Variants in PHKA2 observed in about 807,000 individuals in gnomAD.
PHKA2 encodes phosphorylase b kinase regulatory subunit alpha, liver isoform.
Under a neutral mutation model 102.0 loss-of-function variants are expected in PHKA2, and 31 were observed. The observed-to-expected ratio is 0.30, with a 90% CI of 0.23 to 0.41. The LOEUF (loss-of-function observed/expected upper bound fraction) is 0.41, where lower values mean the gene tolerates loss of function less well. PHKA2 is among the 10% of genes least tolerant of loss of function. PHKA2 has a pLI of 1.00. For missense variants in PHKA2, 858 were observed against 1,023.1 expected (o/e 0.84, Z 2.20); for synonymous variants, 455 against 416.2 (o/e 1.09, Z -1.13).
At chrX:18,943,931 A>T (rs1384609887) in intron 6 of PHKA2, 123 bp from the exon 7 acceptor site, 1 of 549,580 alleles carries the variant, frequency 1.8e-6, no homozygotes, top group Non-Finnish European at 3.3e-6. Context: ...ACACATTTTA[A>T]AAATCCAGCT....
chrX:18,941,077 A>G (rs2048482052), intron 8 of PHKA2, among the ~76,000 whole-genome samples: 1 of 112,296 alleles, frequency 8.9e-6, no homozygotes, highest in African/African-American at 3.2e-5. Flanking sequence ...TGGAGTATTT[A>G]ATATTCTCAG....
chrX:18,975,251 G>A (rs1433558922), intron 1 of PHKA2, among the ~76,000 whole-genome samples: 1 of 111,697 alleles, frequency 9.0e-6, no homozygotes, highest in Admixed American at 9.5e-5. Context: ...AATCATGGGG[G>A]CAGGTCTTTC....
In PHKA2 at chrX:18,954,289, C is replaced by T. The variant is rs866514095; in HGVS notation, c.202G>A (p.Asp68Asn). Residue 68 changes from aspartate to asparagine, a missense_variant, in exon 2 of 33, where the codon GAT (aspartate) becomes AAT (asparagine). By Grantham distance (23) the Asp-to-Asn change is conservative. Coordinates refer to ENST00000379942, the MANE Select transcript of PHKA2 (RefSeq NM_000292.3). ...TCGTAGGCCTTGGCCTTGTCCTCAT[C>T]GCGGTCTGCATTCTTACGGTAGGCC... ...GMAYRKNADR[D>N]EDKAKAYELE... 9.0e-5 allele frequency: 109 copies of T among 1,210,499 alleles called. 2 individuals are homozygous for T. The highest frequency in any genetic ancestry group is 1.2e-4 in the Non-Finnish European group (103 of 895,233).
intron 12 of PHKA2, among the ~76,000 whole-genome samples, chrX:18,931,097 A>G (rs1275713770): frequency 8.9e-6 from 1 of 112,280 alleles, no homozygotes; most frequent in African/African-American, 3.2e-5. Context: ...GGACAAGTCA[A>G]TGGTGAACAA....
chrX:18,900,373 G>C, intron 28 of PHKA2, among the ~76,000 whole-genome samples: 1 of 111,452 alleles, frequency 9.0e-6, no homozygotes, highest in Non-Finnish European at 1.9e-5. Flanking sequence ...CCCCCATTTA[G>C]TTTTCTATTT....
chrX:18,965,943 TG>T (rs2148019188), intron 1 of PHKA2, among the ~76,000 whole-genome samples: 1 of 110,775 alleles, frequency 9.0e-6, no homozygotes, highest in African/African-American at 3.3e-5. Flanking sequence ...AATGCAACTT[TG>T]TTTCATATTC....
rs1184140638 is a variant in PHKA2 at position 18,951,041 on chromosome X, T to G, written c.454+63A>C. The G allele has an allele frequency of 9.0e-6, 10 of 1,114,123 alleles. No individual in the cohort carries two copies. The African/African-American group carries it at 1.8e-4, about 20-fold the overall frequency. 91.8% of individuals were successfully genotyped at this position (1,114,123 alleles called of 1,213,427 possible). ...CTGACACACTGGCCGCTACCTGTCC[T>G]CCTCCCACCCCTTTTCCGGATTGTC... On this transcript the variant is annotated intron_variant, in intron 4 of 32. Transcript: ENST00000379942.
chrX:18,903,109 C>T (rs928000663), intron 26 of PHKA2, among the ~76,000 whole-genome samples: 2 of 111,489 alleles, frequency 1.8e-5, no homozygotes, highest in African/African-American at 3.3e-5. Context: ...CACATACATA[C>T]GTATAGATAC....
At position 18,897,217 on chromosome X, in the gene PHKA2, G is replaced by A. The variant is rs1433414757; in HGVS notation, c.3228C>T (p.Ala1076=). The A allele has an allele frequency of 2.5e-6, 3 of 1,209,495 alleles. No homozygotes were observed. In the Admixed American group the frequency reaches 6.5e-5, roughly 26 times the overall value. The part of the protein sequence containing the change: ...QWLRRRRLDG[A]INRVPVGFYQ... ...AGAATCCCACGGGGACCCTGTTGAT[G>A]GCCCCATCCAGCCTTCTCCTGCGCA... Residue 1076 remains alanine, a synonymous_variant, in exon 30 of 33, where the codon GCC becomes GCT. Coordinates refer to ENST00000379942, the MANE Select transcript of PHKA2 (RefSeq NM_000292.3).
At chrX:18,926,163 G>C (rs1272927205) in intron 14 of PHKA2, among the ~76,000 whole-genome samples, 1 of 112,459 alleles carries the variant, frequency 8.9e-6, no homozygotes, top group African/African-American at 3.2e-5. Context: ...GTAAACATGA[G>C]AAGCATTATC....
intron 30 of PHKA2, 96 bp from the exon 31 acceptor site, chrX:18,895,287 C>T: frequency 2.5e-6 from 2 of 786,873 alleles, no homozygotes; most frequent in Non-Finnish European, 2.0e-6. Flanking sequence ...GCACCCTCTG[C>T]CCTGGAAACC....
At chrX:18,931,840 T>C (rs2048321295) in intron 11 of PHKA2, 92 bp from the exon 12 acceptor site, 6 of 654,557 alleles carry the variant, frequency 9.2e-6, no homozygotes, top group Non-Finnish European at 1.5e-5. Flanking sequence ...ATTTATGAAA[T>C]GGTACTCATC....
chrX:18,939,740 A>G (rs1414548103), intron 9 of PHKA2, among the ~76,000 whole-genome samples: 1 of 111,367 alleles, frequency 9.0e-6, no homozygotes, highest in Non-Finnish European at 1.9e-5. Flanking sequence ...TGATCCGCCC[A>G]CCTTGGCCTC....
chrX:18,970,440 A>G (rs1209921356), intron 1 of PHKA2, among the ~76,000 whole-genome samples: 1 of 112,127 alleles, frequency 8.9e-6, no homozygotes, highest in Non-Finnish European at 1.9e-5. Flanking sequence ...ATTCAACTTT[A>G]AATGTTTGAG....
At chrX:18,950,475 C>G (rs1296721746) in intron 4 of PHKA2, among the ~76,000 whole-genome samples, 1 of 111,961 alleles carries the variant, frequency 8.9e-6, no homozygotes, top group East Asian at 2.8e-4. Flanking sequence ...CAGAGGGAAG[C>G]TAAGAGAGCC....
chrX:18,936,073 G>A lies in PHKA2; in HGVS notation c.1119C>T (p.Tyr373=), dbSNP rs754223529. 7.5e-6 allele frequency: 9 copies of A among 1,201,710 alleles called. No individual in the cohort carries two copies. Among genetic ancestry groups the A allele is most frequent in the Non-Finnish European group, 7.9e-6 (7 of 888,008 alleles). ...KNGIRLVPEL[Y]AVPPNKVDEE... is the part of the protein sequence containing the mutation. ...GGGTTACCTTGTTAGGCGGGACAGC[G>A]TAGAGTTCAGGCACCAGGCGGATCC... Residue 373 remains tyrosine (Y), a synonymous_variant, in exon 11 of 33, where the codon TAC becomes TAT. Coordinates refer to ENST00000379942, the MANE Select transcript of PHKA2 (RefSeq NM_000292.3).
chrX:18,901,968 G>C (rs745748081), intron 26 of PHKA2, among the ~76,000 whole-genome samples: 1 of 108,098 alleles, frequency 9.3e-6, no homozygotes, highest in African/African-American at 3.4e-5. Flanking sequence ...TCAGCCTCCC[G>C]AGTAACTGGG....
intron 13 of PHKA2, among the ~76,000 whole-genome samples, chrX:18,928,398 C>T (rs758686380): frequency 8.9e-6 from 1 of 112,312 alleles, no homozygotes; most frequent in South Asian, 3.7e-4. Context: ...GTCATTTGTT[C>T]AATCACTGTT....
At chrX:18,893,932 T>C in intron 32 of PHKA2, 1 of 451,539 alleles carries the variant, frequency 2.2e-6, no homozygotes, top group East Asian at 3.7e-5. Flanking sequence ...CTTGACTTTG[T>C]GTACAGGGTA....
Sources: gnomAD v4.1 joint callset for allele counts (sites outside exome capture counted in the v4.1 genomes callset) on GRCh38, gnomAD v4.1.1 for gene constraint, MANE v1.5 for transcripts, NCBI Gene and HGNC (gene_info 2026-07-23, HGNC 2026-07-21) for gene names.